The following EPHA3 variants were observed in gnomAD, a reference collection of about 807,000 sequenced individuals.
EPHA3 encodes the protein EPH receptor A3, also known as ephrin type-A receptor 3.
In EPHA3, 42 loss-of-function variants were observed where a neutral mutation model predicts 107.1. The ratio of observed to expected loss-of-function variants is 0.39; its 90% CI spans 0.31 to 0.51. The LOEUF (loss-of-function observed/expected upper bound fraction) is 0.51, where lower values mean the gene tolerates loss of function less well. Among genes scored for constraint, EPHA3 ranks in the 20% least tolerant of loss-of-function variants. The pLI is 0.78. For missense variants in EPHA3, 1,183 were observed against 1,211.2 expected (o/e 0.98, Z 0.35); for synonymous variants, 461 against 424.8 (o/e 1.09, Z -1.05).
At chr3:89,299,877 G>T (rs537056869) in intron 3 of EPHA3, among the ~76,000 whole-genome samples, 1 of 151,966 alleles carries the variant, frequency 6.6e-6, no homozygotes, top group Non-Finnish European at 1.5e-5. Flanking sequence ...CGTAAGTAAC[G>T]ACTACTCTCA....
intron 3 of EPHA3, among the ~76,000 whole-genome samples, chr3:89,219,385 A>C (rs1485618469): frequency 1.3e-5 from 2 of 151,690 alleles, no homozygotes; most frequent in South Asian, 4.2e-4. Context: ...CTGGTCTCAA[A>C]CTCTCCACCT....
chr3:89,298,447 A>AG (rs1457981312), intron 3 of EPHA3, among the ~76,000 whole-genome samples: 1 of 152,128 alleles, frequency 6.6e-6, no homozygotes, highest in Non-Finnish European at 1.5e-5. Context: ...ATTGCACCAT[A>AG]GGGTCATCCA....
Position 89,427,857 on chromosome 3 carries a change from GA to G in EPHA3, c.2075-1240del, listed in dbSNP as rs1006419976. Among the ~76,000 whole-genome samples the G allele has an allele frequency of 7.4e-4, 112 of 150,482 alleles. No homozygotes were observed. In the Middle Eastern group the frequency reaches 0.01, roughly 14 times the overall value. On this transcript the variant is annotated intron_variant, in intron 11 of 16. Coordinates refer to ENST00000336596, the MANE Select transcript of EPHA3 (RefSeq NM_005233.6). Reference sequence around the variant, plus strand: ...TGCAATGTTACATAATTCTAATCATGAAAAAAAAATTACCAGTATTTCTTTT... The same window carrying G: ...TGCAATGTTACATAATTCTAATCATGAAAAAAAATTACCAGTATTTCTTTT...
At chr3:89,175,085 T>TG (rs1576204928) in intron 2 of EPHA3, among the ~76,000 whole-genome samples, 1 of 149,732 alleles carries the variant, frequency 6.7e-6, no homozygotes, top group Admixed American at 6.6e-5. Context: ...TTTTTTTTTT[T>TG]GTAATCTGGC....
chr3:89,348,175 G>C (rs1707718873), intron 5 of EPHA3, among the ~76,000 whole-genome samples: 2 of 135,256 alleles, frequency 1.5e-5, no homozygotes, highest in South Asian at 5.1e-4. Context: ...GATTGGAATA[G>C]TTTCAGAAGG....
intron 7 of EPHA3, among the ~76,000 whole-genome samples, chr3:89,401,548 ATGTTAAGTGGTACG>A (rs1359453189): frequency 6.6e-6 from 1 of 152,226 alleles, no homozygotes; most frequent in Non-Finnish European, 1.5e-5. Context: ...CTTTTTGCAA[ATGTTAAGTGGTACG>A]AAGAAAGTTT....
In EPHA3 at chr3:89,108,671, T is replaced by C. The variant is rs1297858533; in HGVS notation, c.88+835T>C. Among the ~76,000 whole-genome samples, 3 of 152,178 alleles carry C rather than the reference T, an allele frequency of 2.0e-5. No individual in the cohort carries two copies. In the East Asian group the frequency reaches 5.8e-4, roughly 29 times the overall value. ...TGAGCATTAATTCCTTTTCAGTGGG[T>C]TAAAGTGCAAACCTAATGTTAAGGA... is the stretch of plus-strand genomic sequence containing the variant. On this transcript the variant is annotated intron_variant, in intron 1 of 16. Transcript: ENST00000336596.
intron 5 of EPHA3, among the ~76,000 whole-genome samples, chr3:89,354,154 G>A (rs1237210816): frequency 6.6e-6 from 1 of 151,170 alleles, no homozygotes; most frequent in African/African-American, 2.4e-5. Flanking sequence ...AACATTTTTA[G>A]TCTCAAATCA....
intron 2 of EPHA3, among the ~76,000 whole-genome samples, chr3:89,131,213 C>T (rs1188555964): frequency 6.6e-6 from 1 of 152,058 alleles, no homozygotes. Context: ...GTGACTTTAG[C>T]AAAGCAGACT....
At chr3:89,120,188 A>G (rs540325991) in intron 1 of EPHA3, among the ~76,000 whole-genome samples, 1 of 152,230 alleles carries the variant, frequency 6.6e-6, no homozygotes, top group African/African-American at 2.4e-5. Context: ...TCACTTTTTA[A>G]TCTTTCAAAA....
intron 1 of EPHA3, 99 bp downstream of exon 1, chr3:89,107,935 C>G: frequency 8.8e-7 from 1 of 1,139,796 alleles, no homozygotes; most frequent in Non-Finnish European, 1.3e-6. Flanking sequence ...AAGGTGCCTC[C>G]GAATAGAGCA....
chr3:89,438,201 C>T (rs140896631), intron 13 of EPHA3, among the ~76,000 whole-genome samples: 1 of 151,580 alleles, frequency 6.6e-6, no homozygotes, highest in East Asian at 2.0e-4. Flanking sequence ...CTCTGCCTCC[C>T]GGGTTCACGC....
chr3:89,388,866 A>G (rs1347193959), intron 5 of EPHA3, among the ~76,000 whole-genome samples: 2 of 152,206 alleles, frequency 1.3e-5, no homozygotes. Flanking sequence ...TGATTTTGAA[A>G]GAGAGGGGAA....
intron 3 of EPHA3, among the ~76,000 whole-genome samples, chr3:89,259,516 G>A (rs1284593291): frequency 2.6e-5 from 4 of 152,022 alleles, no homozygotes; most frequent in African/African-American, 9.7e-5. Context: ...TGAAAAGTGG[G>A]GCATGCCATA....
intron 15 of EPHA3, among the ~76,000 whole-genome samples, chr3:89,462,087 C>G (rs1195517642): frequency 3.3e-5 from 1 of 30,452 alleles, no homozygotes; most frequent in East Asian, 9.0e-4. Flanking sequence ...AATAAGGAAT[C>G]CTTTCCCCAT....
rs1483883265 is a variant in EPHA3, at chr3:89,450,191, A to G, written c.2511A>G (p.Val837=). 6.3e-6 allele frequency: 10 copies of G among 1,596,318 alleles called. No homozygotes were observed. The highest frequency in any genetic ancestry group is 5.7e-5 in the South Asian group (5 of 87,424). Residue 837 remains valine (V), a synonymous_variant, in exon 15 of 17, where the codon GTA becomes GTG. Transcript: ENST00000336596. ...EMSNQDVIKA[V]DEGYRLPPPM... ...TTCTCACACAGGTAATTAAAGCTGT[A>G]GATGAGGGCTATCGACTGCCACCCC...
intron 3 of EPHA3, among the ~76,000 whole-genome samples, chr3:89,333,763 C>T (rs1707340118): frequency 6.6e-6 from 1 of 151,704 alleles, no homozygotes; most frequent in Non-Finnish European, 1.5e-5. Context: ...TCCCAGCTAC[C>T]TGGGAGGCTG....
intron 2 of EPHA3, among the ~76,000 whole-genome samples, chr3:89,205,639 T>C (rs1262239500): frequency 6.6e-6 from 1 of 152,154 alleles, no homozygotes; most frequent in East Asian, 1.9e-4. Context: ...TTTTAATGAG[T>C]TAGAGGTTGA....
chr3:89,435,356 T>G (rs1709646516), intron 13 of EPHA3, among the ~76,000 whole-genome samples: 1 of 150,500 alleles, frequency 6.6e-6, no homozygotes, highest in Non-Finnish European at 1.5e-5. Context: ...TCTTGACACT[T>G]CGAGAGGCCA....
Sources: allele counts gnomAD v4.1 joint callset (sites outside exome capture counted in the v4.1 genomes callset), GRCh38; gene constraint gnomAD v4.1.1; transcripts MANE v1.5; gene names NCBI Gene and HGNC (gene_info 2026-07-23, HGNC 2026-07-21).